RPGRIP1L: variants seen among roughly 807,000 people sequenced by gnomAD.
RPGRIP1L encodes the protein protein fantom.
A neutral mutation model predicts 160.4 loss-of-function variants in RPGRIP1L; 131 were observed. The ratio of observed to expected loss-of-function variants is 0.82; its 90% CI spans 0.71 to 0.94. The LOEUF is 0.94. Ranked by LOEUF, RPGRIP1L falls within the 40% of genes least tolerant of loss-of-function variation. The pLI is 0.00. For synonymous variants in RPGRIP1L, 510 were observed against 515.8 expected, an observed-to-expected ratio of 0.99 and a Z score of 0.15; for missense variants, 1,522 against 1,535.8, an observed-to-expected ratio of 0.99 and a Z score of 0.15.
chr16:53,637,128 C>T (rs901108198), intron 21 of RPGRIP1L, among the ~76,000 whole-genome samples: 2 of 152,108 alleles, frequency 1.3e-5, no homozygotes, highest in Admixed American at 6.6e-5. Context: ...TCCCAAGTAG[C>T]TGGGACCACA....
In RPGRIP1L at chr16:53,672,896, T is replaced by C; in HGVS notation, c.1003A>G (p.Lys335Glu). 1 of 1,613,082 alleles carries C rather than the reference T, an allele frequency of 6.2e-7. No individual in the cohort carries two copies. The highest frequency in any genetic ancestry group is 8.5e-7 in the Non-Finnish European group (1 of 1,179,514). ...TCTTCTATTCTTCTTTCAGAAAACT[T>C]CATAGAATGTAATTGTTTCTCAAGA... ...CSLEKQLHSM[K>E]FSERRIEELQ... The change falls in exon 8 of 27, where the codon AAG becomes GAG. Residue 335 changes from lysine to glutamate, a missense_variant. Lys to Glu is a moderately conservative substitution (Grantham distance 56). Coordinates refer to ENST00000647211, the MANE Select transcript of RPGRIP1L (RefSeq NM_015272.5).
At chr16:53,698,255 CGTCCGGG>C (rs1970990734) in intron 2 of RPGRIP1L, among the ~76,000 whole-genome samples, 3 of 151,546 alleles carry the variant, frequency 2.0e-5, no homozygotes, top group Admixed American at 6.6e-5. Flanking sequence ...GCAGCCGACC[CGTCCGGG>C]AGGGAGGTGG....
chr16:53,623,102 G>C (rs1003478774), intron 22 of RPGRIP1L, among the ~76,000 whole-genome samples: 3 of 152,174 alleles, frequency 2.0e-5, no homozygotes, highest in Non-Finnish European at 2.9e-5. Flanking sequence ...GGGAGATAAA[G>C]AAAAATAAGA....
Position 53,605,571 on chromosome 16 carries a change from C to A in RPGRIP1L, c.3745G>T (p.Asp1249Tyr), listed in dbSNP as rs148773489. Residue 1249 changes from aspartate to tyrosine, a missense_variant, in exon 26 of 27, where the codon GAC becomes TAC. Transcript: ENST00000647211. The stretch of plus-strand genomic sequence containing the variant: ...ACGCCAATGTCCTCACACTCCAGGT[C>A]CTGCTCGTCCTCTGGAGGGTCACTG... ...VVSDPPEDEQDLECEDIGVAH... is the reference protein window; with the variant it reads ...VVSDPPEDEQYLECEDIGVAH... The A allele has an allele frequency of 4.3e-4, 701 of 1,614,042 alleles. 3 individuals carry two copies. In the African/African-American group the frequency reaches 8.2e-3, roughly 19 times the overall value.
intron 14 of RPGRIP1L, 152 bp from the exon 15 acceptor site, chr16:53,653,139 C>A (rs1966930230): frequency 1.2e-6 from 1 of 864,664 alleles, no homozygotes; most frequent in South Asian, 1.8e-5. Context: ...AATACTTTAT[C>A]GTACAAAAAT....
intron 4 of RPGRIP1L, among the ~76,000 whole-genome samples, chr16:53,690,236 G>A (rs972315486): frequency 6.6e-5 from 10 of 152,066 alleles, no homozygotes; most frequent in Admixed American, 4.6e-4. Context: ...CTCCTCTGTC[G>A]CCCAGGTTGG....
intron 7 of RPGRIP1L, among the ~76,000 whole-genome samples, chr16:53,673,633 A>C (rs1477567577): frequency 2.6e-5 from 4 of 152,078 alleles, no homozygotes; most frequent in African/African-American, 9.7e-5. Flanking sequence ...TTTCATATAG[A>C]CCATATAACC....
At chr16:53,632,335 C>G (rs1219827115) in intron 22 of RPGRIP1L, among the ~76,000 whole-genome samples, 1 of 152,144 alleles carries the variant, frequency 6.6e-6, no homozygotes, top group African/African-American at 2.4e-5. Flanking sequence ...AAAATAGAGG[C>G]AATTTTTTAA....
chr16:53,702,215 A>G (rs984269451), intron 1 of RPGRIP1L, among the ~76,000 whole-genome samples: 3 of 152,192 alleles, frequency 2.0e-5, no homozygotes, highest in African/African-American at 7.2e-5. Context: ...CTGCTTTACA[A>G]ATGAGGAAGC....
At chr16:53,685,333 G>A (rs1248542113) in intron 6 of RPGRIP1L, among the ~76,000 whole-genome samples, 4 of 152,174 alleles carry the variant, frequency 2.6e-5, no homozygotes, top group Non-Finnish European at 5.9e-5. Context: ...AATACCATTC[G>A]ACAAGGAAAT....
rs536376284 is a variant in RPGRIP1L, at chr16:53,664,958, C to T, written c.1155G>A (p.Leu385=). ...EEQWKLKEQQ[L]KVQIAQLETA... The stretch of plus-strand genomic sequence containing the variant: ...TCTCGAGCTGAGCAATCTGCACTTT[C>T]AGCTGTTGCTCCTTTAACTTCCATT... Residue 385 remains leucine, a synonymous_variant, in exon 10 of 27, where the codon CTG becomes CTA. Transcript: ENST00000647211. The T allele has an allele frequency of 6.2e-7, 1 of 1,613,592 alleles. No homozygotes were observed. Among genetic ancestry groups the T allele is most frequent in the Non-Finnish European group, 8.5e-7 (1 of 1,179,860 alleles).
At chr16:53,672,643 T>C (rs970722630) in intron 8 of RPGRIP1L, among the ~76,000 whole-genome samples, 2 of 152,178 alleles carry the variant, frequency 1.3e-5, no homozygotes, top group African/African-American at 2.4e-5. Flanking sequence ...TACTCAAGGA[T>C]CTTTAATCCT....
chr16:53,655,187 A>T (rs1238130103), intron 14 of RPGRIP1L, among the ~76,000 whole-genome samples: 2 of 152,252 alleles, frequency 1.3e-5, no homozygotes, highest in Non-Finnish European at 2.9e-5. Flanking sequence ...GTCTCTAAGA[A>T]GATTTGCGAA....
At chr16:53,701,677 G>C (rs900033468) in intron 1 of RPGRIP1L, 1 of 151,836 alleles carries the variant, frequency 6.6e-6, no homozygotes, top group East Asian at 1.9e-4. Flanking sequence ...AAGCTTCATT[G>C]TCTTGTTCAG....
Position 53,657,521 on chromosome 16 carries a change from T to C in RPGRIP1L, c.1513A>G (p.Thr505Ala). The C allele has an allele frequency of 6.2e-7, 1 of 1,612,840 alleles. No individual in the cohort carries two copies. The highest frequency in any genetic ancestry group is 1.7e-5 in the Admixed American group (1 of 59,994). The change falls in exon 13 of 27, where the codon ACG becomes GCG. Residue 505 changes from threonine to alanine, a missense_variant. By Grantham distance (58) the Thr-to-Ala change is moderately conservative. Coordinates refer to ENST00000647211, the MANE Select transcript of RPGRIP1L (RefSeq NM_015272.5). ...CTTGTCTTTTCCAGCTCTTGCACCG[T>C]TTCTGCATGAGTTGCTTGCAGCTCT... Reference protein sequence around the residue: ...MRELQATHAETVQELEKTRNM... With the variant: ...MRELQATHAEAVQELEKTRNM...
At chr16:53,657,260 C>T (rs192852788) in intron 13 of RPGRIP1L, among the ~76,000 whole-genome samples, 193 bp downstream of exon 13, 44 of 151,476 alleles carry the variant, frequency 2.9e-4, no homozygotes, top group African/African-American at 1.0e-3. Flanking sequence ...ACCAAAAAAA[C>T]CCCACATTAT....
intron 25 of RPGRIP1L, among the ~76,000 whole-genome samples, chr16:53,606,739 G>A (rs181549738): frequency 2.6e-5 from 4 of 151,890 alleles, no homozygotes; most frequent in Non-Finnish European, 4.4e-5. Flanking sequence ...TCAGCCTCCC[G>A]AGTAGCTGGG....
At chr16:53,635,763 A>G (rs1965798966) in intron 22 of RPGRIP1L, 1 of 152,226 alleles carries the variant, frequency 6.6e-6, no homozygotes, top group Non-Finnish European at 1.5e-5. Context: ...ATAGATGAAT[A>G]GAAAAAGCTA....
chr16:53,611,916 T>A (rs1358111872), intron 24 of RPGRIP1L, among the ~76,000 whole-genome samples: 3 of 152,204 alleles, frequency 2.0e-5, no homozygotes, highest in Non-Finnish European at 4.4e-5. Flanking sequence ...AACTTAGAGA[T>A]TATTCCTGGC....
Sources: gnomAD v4.1 joint callset for allele counts (sites outside exome capture counted in the v4.1 genomes callset) on GRCh38, gnomAD v4.1.1 for gene constraint, MANE v1.5 for transcripts, NCBI Gene and HGNC (gene_info 2026-07-23, HGNC 2026-07-21) for gene names.